The following EZH2 variants were observed in gnomAD, a reference collection of about 807,000 sequenced individuals.
EZH2 encodes enhancer of zeste 2 polycomb repressive complex 2 subunit, also known as histone-lysine N-methyltransferase EZH2.
A neutral mutation model predicts 98.4 loss-of-function variants in EZH2; 18 were observed. The ratio of observed to expected loss-of-function variants is 0.18; its 90% CI spans 0.13 to 0.27. The LOEUF (loss-of-function observed/expected upper bound fraction) is 0.27, where lower values mean the gene tolerates loss of function less well. EZH2 is among the 10% of genes least tolerant of loss of function. The pLI is 1.00. For synonymous variants in EZH2, 338 were observed against 312.3 expected, an observed-to-expected ratio of 1.08 and a Z score of -0.87; for missense variants, 470 against 935.1, an observed-to-expected ratio of 0.50 and a Z score of 6.49.
rs553053273 is a variant in EZH2 at position 148,830,409 on chromosome 7, A to G, written c.364-561T>C. 2.0e-5 allele frequency among the ~76,000 whole-genome samples: 3 copies of G among 152,300 alleles called. No individual in the cohort carries two copies. In the East Asian group the frequency reaches 5.8e-4, roughly 29 times the overall value. On this transcript the variant is annotated intron_variant, in intron 4 of 19. Transcript: ENST00000320356. ...GTATCAAGATCAACTATAAAGACCC[A>G]TACCAAAAAACTACCCTAAGACTCC... is the stretch of plus-strand genomic sequence containing the variant.
In EZH2 at chr7:148,860,332, GAA is replaced by G. The variant is rs11325606; in HGVS notation, c.-7-13029_-7-13028del. 7.1e-4 allele frequency among the ~76,000 whole-genome samples: 102 copies of G among 143,260 alleles called. 1 individual carries two copies. The highest frequency in any genetic ancestry group is 6.8e-4 in the South Asian group (3 of 4,434). The allele number at this position is 143,260 out of a possible 152,430, so 94.0% of individuals were successfully genotyped here. On this transcript the variant is annotated intron_variant, in intron 1 of 19. Coordinates refer to ENST00000320356, the MANE Select transcript of EZH2 (RefSeq NM_004456.5). ...TGGGTTGACAGCAGTGGGCATAGAAGAAAAAAAAAAAAAGATTTTTAATTTTA... is the reference window on the plus strand; with the variant it reads ...TGGGTTGACAGCAGTGGGCATAGAAGAAAAAAAAAAAGATTTTTAATTTTA...
chr7:148,872,102 T>C (rs1819500681), intron 1 of EZH2, among the ~76,000 whole-genome samples: 2 of 152,162 alleles, frequency 1.3e-5, no homozygotes, highest in South Asian at 2.1e-4. Flanking sequence ...AATAGATAAA[T>C]GGATTTTAAA....
At chr7:148,869,694 C>T (rs951490403) in intron 1 of EZH2, among the ~76,000 whole-genome samples, 1 of 152,200 alleles carries the variant, frequency 6.6e-6, no homozygotes, top group Admixed American at 6.5e-5. Context: ...AAGTTATTTA[C>T]TAATTACTTC....
chr7:148,810,836 C>T (rs1211278684), intron 16 of EZH2, among the ~76,000 whole-genome samples: 2 of 133,416 alleles, frequency 1.5e-5, no homozygotes, highest in African/African-American at 5.7e-5. Flanking sequence ...GCTGAGGTTG[C>T]GGTGAGCCAA....
intron 3 of EZH2, among the ~76,000 whole-genome samples, chr7:148,837,891 A>G (rs1811312216): frequency 6.6e-6 from 1 of 152,356 alleles, no homozygotes; most frequent in Middle Eastern, 3.4e-3. Flanking sequence ...AGTATTTGTT[A>G]CAGACCAATT....
chr7:148,819,459 A>G, intron 9 of EZH2, 137 bp downstream of exon 9: 1 of 657,084 alleles, frequency 1.5e-6, no homozygotes. Context: ...AAGAAACAGC[A>G]TGGGTGAGAA....
chr7:148,855,643 T>C (rs990530376), intron 1 of EZH2, among the ~76,000 whole-genome samples: 1 of 152,146 alleles, frequency 6.6e-6, no homozygotes, highest in South Asian at 2.1e-4. Context: ...CTCCCGCCTG[T>C]AATCCCAGCA....
At position 148,858,224 on chromosome 7, in the gene EZH2, A is replaced by G. The variant is rs1018360724; in HGVS notation, c.-7-10919T>C. Among the ~76,000 whole-genome samples, 8 of 152,016 alleles carry G rather than the reference A, an allele frequency of 5.3e-5. No individual in the cohort carries two copies. The East Asian group carries it at 9.7e-4, about 18-fold the overall frequency. On this transcript the variant is annotated intron_variant, in intron 1 of 19. Coordinates refer to ENST00000320356, the MANE Select transcript of EZH2 (RefSeq NM_004456.5). Reference sequence around the variant, plus strand: ...GGAGAATGGCGTGAACCCGGGAGGCAGAGCTTGCAATGAGCCTAGATAGCG... The same window carrying G: ...GGAGAATGGCGTGAACCCGGGAGGCGGAGCTTGCAATGAGCCTAGATAGCG...
At chr7:148,818,998 T>C (rs1805295682) in intron 9 of EZH2, 1 of 455,286 alleles carries the variant, frequency 2.2e-6, no homozygotes, top group African/African-American at 2.0e-5. Flanking sequence ...TGCCATTCAA[T>C]GAATCTTCTG....
At chr7:148,880,235 C>T (rs1820770934) in intron 1 of EZH2, among the ~76,000 whole-genome samples, 1 of 152,164 alleles carries the variant, frequency 6.6e-6, no homozygotes, top group South Asian at 2.1e-4. Context: ...TTTGAGGTAT[C>T]ACTAAATTTG....
chr7:148,871,045 A>G (rs1819296722), intron 1 of EZH2, among the ~76,000 whole-genome samples: 1 of 152,216 alleles, frequency 6.6e-6, no homozygotes, highest in Admixed American at 6.5e-5. Flanking sequence ...CATAATTAAA[A>G]TGCATGATTT....
At chr7:148,810,975 C>G (rs1297134773) in intron 16 of EZH2, among the ~76,000 whole-genome samples, 9 of 151,418 alleles carry the variant, frequency 5.9e-5, no homozygotes, top group Non-Finnish European at 1.3e-4. Context: ...TTCGGTAACA[C>G]TGTCGACAAT....
intron 1 of EZH2, among the ~76,000 whole-genome samples, chr7:148,852,233 A>C (rs1437112489): frequency 1.3e-5 from 2 of 152,260 alleles, no homozygotes; most frequent in African/African-American, 4.8e-5. Flanking sequence ...ACATAGGTTA[A>C]CTAAAATTAA....
chr7:148,814,226 CACTG>C (rs1157471315), intron 14 of EZH2, 89 bp from the exon 15 acceptor site: 1 of 1,192,554 alleles, frequency 8.4e-7, no homozygotes, highest in Admixed American at 2.0e-5. Context: ...CTGGGCATCT[CACTG>C]ACTCTCAACC....
At chr7:148,861,819 A>T (rs562159061) in intron 1 of EZH2, among the ~76,000 whole-genome samples, 86 of 151,754 alleles carry the variant, frequency 5.7e-4, no homozygotes, top group South Asian at 2.1e-3. Context: ...AAAAAAAAAA[A>T]AATTAATTAG....
chr7:148,809,925 G>C (rs1004678694), intron 17 of EZH2, among the ~76,000 whole-genome samples: 3 of 152,202 alleles, frequency 2.0e-5, no homozygotes, highest in Non-Finnish European at 2.9e-5. Context: ...TTTCCTCTCA[G>C]TCCTTTGAGA....
chr7:148,859,493 ACT>A (rs1397771056), intron 1 of EZH2, among the ~76,000 whole-genome samples: 5 of 138,654 alleles, frequency 3.6e-5, no homozygotes, highest in Admixed American at 7.9e-5. Context: ...ACAGAGCAAG[ACT>A]CTGTCTCAAA....
intron 1 of EZH2, among the ~76,000 whole-genome samples, chr7:148,878,293 A>G (rs147646800): frequency 4.6e-4 from 70 of 152,256 alleles, no homozygotes; most frequent in African/African-American, 1.6e-3. Flanking sequence ...AGCCCTGGTA[A>G]CCTCTATTCT....
At chr7:148,810,954 G>A (rs1802888261) in intron 16 of EZH2, among the ~76,000 whole-genome samples, 1 of 151,362 alleles carries the variant, frequency 6.6e-6, no homozygotes, top group African/African-American at 2.4e-5. Context: ...CTGAAGCTAG[G>A]CCTATGATTT....
Sources: allele counts gnomAD v4.1 joint callset (sites outside exome capture counted in the v4.1 genomes callset), GRCh38; gene constraint gnomAD v4.1.1; transcripts MANE v1.5; gene names NCBI Gene and HGNC (gene_info 2026-07-23, HGNC 2026-07-21).